The following ELF4 variants were observed in gnomAD, a reference collection of about 807,000 sequenced individuals.
ELF4 encodes E74 like ETS transcription factor 4.
Under a neutral mutation model 31.7 loss-of-function variants are expected in ELF4, and 10 were observed. That is an observed-to-expected ratio of 0.32 (90% CI 0.19 to 0.54). The LOEUF is 0.54. Among genes scored for constraint, ELF4 ranks in the 20% least tolerant of loss-of-function variants. The pLI is 0.95. For synonymous variants in ELF4, 208 were observed against 226.7 expected (o/e 0.92, Z 0.74); for missense variants, 418 against 522.0 (o/e 0.80, Z 1.94).
At chrX:130,081,831 G>A (rs1368727166) in intron 1 of ELF4, among the ~76,000 whole-genome samples, 1 of 111,952 alleles carries the variant, frequency 8.9e-6, no homozygotes, top group Non-Finnish European at 1.9e-5. Context: ...AAGATATGCA[G>A]CCTCCCTCCC....
At chrX:130,101,841 C>CAAAACAAAAA (rs1933266186) in intron 1 of ELF4, among the ~76,000 whole-genome samples, 1 of 103,664 alleles carries the variant, frequency 9.6e-6, no homozygotes, top group African/African-American at 3.6e-5. Context: ...CAAAACAAAA[C>CAAAACAAAAA]AAAAACAAGG....
chrX:130,104,393 C>T (rs1159250334), intron 1 of ELF4, among the ~76,000 whole-genome samples: 4 of 110,411 alleles, frequency 3.6e-5, no homozygotes, highest in Middle Eastern at 4.3e-3. Context: ...GAAAATCTCC[C>T]GCTTAGTTTC....
chrX:130,090,003 G>T (rs766843114), intron 1 of ELF4, among the ~76,000 whole-genome samples: 2 of 111,184 alleles, frequency 1.8e-5, no homozygotes, highest in Non-Finnish European at 3.8e-5. Flanking sequence ...TTGGGAGGCC[G>T]AGGCAAGCAG....
chrX:130,070,787 A>AAAAAAG (rs1556186609), intron 7 of ELF4, among the ~76,000 whole-genome samples: 18 of 92,730 alleles, frequency 1.9e-4, no homozygotes, highest in Admixed American at 6.4e-4. Flanking sequence ...AAAAAAAAAA[A>AAAAAAG]AAAGAAAGAA....
At chrX:130,101,780 CA>C (rs1187521038) in intron 1 of ELF4, among the ~76,000 whole-genome samples, 1 of 106,712 alleles carries the variant, frequency 9.4e-6, no homozygotes, top group South Asian at 4.0e-4. Flanking sequence ...GCCTGGGCGA[CA>C]AGAGGGAAAC....
At chrX:130,074,183 C>A in intron 3 of ELF4, 42 bp from the exon 4 acceptor site, 1 of 1,172,981 alleles carries the variant, frequency 8.5e-7, no homozygotes, top group Non-Finnish European at 1.2e-6. Context: ...GAAAAGTTCC[C>A]TCAGGGCACA....
intron 1 of ELF4, among the ~76,000 whole-genome samples, chrX:130,097,202 C>CT (rs905434122): frequency 1.9e-5 from 2 of 107,832 alleles, no homozygotes; most frequent in Admixed American, 2.0e-4. Flanking sequence ...CTTTGGGAGG[C>CT]TGAGGCAGGC....
intron 4 of ELF4, among the ~76,000 whole-genome samples, chrX:130,073,035 C>A (rs1932801995): frequency 8.9e-6 from 1 of 111,836 alleles, no homozygotes; most frequent in Non-Finnish European, 1.9e-5. Context: ...GCCTTGGGGG[C>A]CCTCTGGGGA....
intron 1 of ELF4, among the ~76,000 whole-genome samples, chrX:130,100,497 G>T (rs896396816): frequency 9.0e-6 from 1 of 111,598 alleles, no homozygotes; most frequent in African/African-American, 3.3e-5. Context: ...ATGGTCCCCT[G>T]AGGGAACATT....
rs1252544516 is a variant in ELF4 at position 130,072,277 on chromosome X, TCTC to T, written c.478_480del (p.Glu160del). ...TTGGCACTTTCCTCTCTGGAGGCCT[TCTC>T]CTCCAGAGAATGCCCCTCCTGGTCA... On this transcript the variant is annotated inframe_deletion, in exon 5 of 9. Transcript: ENST00000308167. The T allele has an allele frequency of 2.5e-6, 3 of 1,212,125 alleles. No homozygotes were observed. Among genetic ancestry groups the T allele is most frequent in the East Asian group, 3.0e-5 (1 of 33,850 alleles).
intron 7 of ELF4, among the ~76,000 whole-genome samples, chrX:130,070,343 TG>T (rs763903477): frequency 1.8e-5 from 2 of 110,566 alleles, no homozygotes; most frequent in African/African-American, 6.6e-5. Context: ...GAGGCCGAGG[TG>T]GGCAGATCAC....
rs1932679018 is a variant in ELF4 at position 130,066,662 on chromosome X, C to T, written c.*59G>A. The T allele has an allele frequency of 4.4e-6, 5 of 1,132,188 alleles. No homozygotes were observed. Among genetic ancestry groups the T allele is most frequent in the Admixed American group, 4.5e-5 (2 of 44,855 alleles). The allele number at this position is 1,132,188 out of a possible 1,213,427, so 93.3% of individuals were successfully genotyped here. A position where few individuals can be genotyped will look rare whatever the true frequency, so the allele number is the denominator to read the frequency against. Reference sequence around the variant, plus strand: ...GGGCAGGTGTGCTACTGAAGTCGGTCCCTATGAAAATGCTGCTCAATTTTG... The same window carrying T: ...GGGCAGGTGTGCTACTGAAGTCGGTTCCTATGAAAATGCTGCTCAATTTTG... On this transcript the variant is annotated 3_prime_UTR_variant, in exon 9 of 9. Coordinates refer to ENST00000308167, the MANE Select transcript of ELF4 (RefSeq NM_001421.4).
At chrX:130,108,194 G>A (rs1933407915) in intron 1 of ELF4, among the ~76,000 whole-genome samples, 1 of 108,264 alleles carries the variant, frequency 9.2e-6, no homozygotes, top group African/African-American at 3.4e-5. Context: ...GGCAACAAGA[G>A]TGAAACTCCA....
Position 130,094,628 on chromosome X carries a change from A to G in ELF4, c.-209-13089T>C, listed in dbSNP as rs771964916. Reference sequence around the variant, plus strand: ...ACTTTTCCCTGTCCCCTCTCACTCTATGTCCCCCCTAGGACAAAGAGGAAC... The same window carrying G: ...ACTTTTCCCTGTCCCCTCTCACTCTGTGTCCCCCCTAGGACAAAGAGGAAC... On this transcript the variant is annotated intron_variant, in intron 1 of 8. Coordinates refer to ENST00000308167, the MANE Select transcript of ELF4 (RefSeq NM_001421.4). Among the ~76,000 whole-genome samples, 4 of 109,134 alleles carry G rather than the reference A, an allele frequency of 3.7e-5. No homozygotes were observed. In the East Asian group the frequency reaches 1.2e-3, roughly 32 times the overall value. 94.8% of individuals were successfully genotyped at this position (109,134 alleles called of 115,157 possible). A position where few individuals can be genotyped will look rare whatever the true frequency, so the allele number is the denominator to read the frequency against.
intron 1 of ELF4, among the ~76,000 whole-genome samples, chrX:130,106,729 C>T (rs1933385440): frequency 8.9e-6 from 1 of 112,038 alleles, no homozygotes; most frequent in Non-Finnish European, 1.9e-5. Flanking sequence ...CCAGAAACCT[C>T]TTTGCAGCTT....
chrX:130,094,577 A>AAG (rs201215451), intron 1 of ELF4, among the ~76,000 whole-genome samples: 13 of 107,040 alleles, frequency 1.2e-4, no homozygotes, highest in South Asian at 8.2e-4. Context: ...AAAAAAAAAA[A>AAG]AGAGAGAGAG....
At position 130,067,140 on chromosome X, in the gene ELF4, T is replaced by A. The variant is rs756054975; in HGVS notation, c.1573A>T (p.Ile525Phe). 2 of 1,200,888 alleles carry A rather than the reference T, an allele frequency of 1.7e-6. No homozygotes were observed. Among genetic ancestry groups the A allele is most frequent in the Admixed American group, 4.4e-5 (2 of 45,096 alleles). The change falls in exon 9 of 9, where the codon ATC (isoleucine) becomes TTC (phenylalanine). Residue 525 changes from isoleucine to phenylalanine, a missense_variant. Ile to Phe is a conservative substitution (Grantham distance 21). Around this residue, in one of 4 missense-constraint regions of ELF4, gnomAD observed 260 missense variants for 269.2 expected, o/e 0.97. Coordinates refer to ENST00000308167, the MANE Select transcript of ELF4 (RefSeq NM_001421.4). ...GCTGCTGTAGTGCCAGAAGTCCTGA[T>A]GAAGGCAGCAATGACAGTCCCAGGG... ...QPPGTVIAAF[I>F]RTSGTTAAPR...
intron 1 of ELF4, among the ~76,000 whole-genome samples, chrX:130,105,913 G>A (rs1376399195): frequency 1.9e-5 from 2 of 105,745 alleles, no homozygotes; most frequent in Non-Finnish European, 3.9e-5. Context: ...TGGTAAGGGA[G>A]GGGTTTCAAA....
At chrX:130,094,879 G>C (rs1015470276) in intron 1 of ELF4, among the ~76,000 whole-genome samples, 14 of 111,502 alleles carry the variant, frequency 1.3e-4, no homozygotes, top group Admixed American at 9.5e-4. Flanking sequence ...CTGGCGGCAC[G>C]TGTTTGGGTG....
Sources: allele counts gnomAD v4.1 joint callset (sites outside exome capture counted in the v4.1 genomes callset), GRCh38; gene constraint gnomAD v4.1.1; regional missense constraint gnomAD v4.1.1; transcripts MANE v1.5; gene names NCBI Gene and HGNC (gene_info 2026-07-23, HGNC 2026-07-21).